Variants in DIPK1A observed in about 807,000 individuals in gnomAD.
DIPK1A encodes the protein divergent protein kinase domain 1A.
In DIPK1A, 27 loss-of-function variants were observed where a neutral mutation model predicts 40.8. The observed-to-expected ratio is 0.66, with a 90% CI of 0.49 to 0.91. The LOEUF is 0.91. Among genes scored for constraint, DIPK1A ranks in the 40% least tolerant of loss-of-function variants. DIPK1A has a pLI of 0.00. For missense variants in DIPK1A, 412 were observed against 505.7 expected, an observed-to-expected ratio of 0.81 and a Z score of 1.78; for synonymous variants, 166 against 171.3, an observed-to-expected ratio of 0.97 and a Z score of 0.24.
chr1:92,885,747 C>T (rs1036786006), intron 1 of DIPK1A, among the ~76,000 whole-genome samples: 1 of 152,110 alleles, frequency 6.6e-6, no homozygotes, highest in African/African-American at 2.4e-5. Flanking sequence ...ATGATAAATA[C>T]ATTAGAGCTA....
intron 1 of DIPK1A, among the ~76,000 whole-genome samples, chr1:92,924,280 T>C (rs1287647263): frequency 6.6e-6 from 1 of 152,100 alleles, no homozygotes; most frequent in African/African-American, 2.4e-5. Context: ...AATCTGAGAA[T>C]AGGGAGCTTT....
chr1:92,852,130 A>C (rs543372976), intron 2 of DIPK1A, among the ~76,000 whole-genome samples: 1 of 152,268 alleles, frequency 6.6e-6, no homozygotes, highest in East Asian at 1.9e-4. Flanking sequence ...ATCAAAACCA[A>C]ACAAGCAAAA....
Position 92,833,745 on chromosome 1 carries a change from AG to A in DIPK1A, c.475-712del. On this transcript the variant is annotated intron_variant, in intron 4 of 4. Transcript: ENST00000615519. ...CAAAGCACATGGTGTGTGTGTTAGAAGGGCTGTCTAGCACCTCCAAAAGCAT... is the reference window on the plus strand; with the variant it reads ...CAAAGCACATGGTGTGTGTGTTAGAAGGCTGTCTAGCACCTCCAAAAGCAT... 4 of 1,058,676 alleles carry A rather than the reference AG, an allele frequency of 3.8e-6. No homozygotes were observed. In the South Asian group the frequency reaches 5.1e-5, roughly 14 times the overall value. 65.6% of individuals were successfully genotyped at this position (1,058,676 alleles called of 1,614,324 possible).
intron 1 of DIPK1A, among the ~76,000 whole-genome samples, chr1:92,927,934 T>C (rs1233705233): frequency 6.6e-6 from 1 of 152,252 alleles, no homozygotes; most frequent in East Asian, 1.9e-4. Flanking sequence ...GTGTATGTTT[T>C]TCTGTGGATG....
At chr1:92,834,314 A>C (rs1687032661) in intron 4 of DIPK1A, among the ~76,000 whole-genome samples, 1 of 152,232 alleles carries the variant, frequency 6.6e-6, no homozygotes, top group Non-Finnish European at 1.5e-5. Flanking sequence ...TGGCTCCCGC[A>C]TGAAAGACCT....
chr1:92,852,913 A>C (rs1425596052), intron 2 of DIPK1A, among the ~76,000 whole-genome samples: 1 of 152,072 alleles, frequency 6.6e-6, no homozygotes, highest in Non-Finnish European at 1.5e-5. Context: ...TTGGGGGCAC[A>C]TATATGTAGT....
At chr1:92,848,329 G>GAACC (rs1687704762) in intron 3 of DIPK1A, among the ~76,000 whole-genome samples, 1 of 152,116 alleles carries the variant, frequency 6.6e-6, no homozygotes, top group Admixed American at 6.5e-5. Context: ...TCCATGACCG[G>GAACC]TTGGGCTCCA....
rs5776161 is a variant in DIPK1A, at chr1:92,867,215, C to CTT, written c.189+9079_189+9080dup. ...AACCTAAAGTTCTTTTACTCCAATT[C>CTT]TTTTTTTTTTTTTTTTTTTTAGTAG... is the stretch of plus-strand genomic sequence containing the variant. On this transcript the variant is annotated intron_variant, in intron 2 of 4. Coordinates refer to ENST00000370310, the MANE Select transcript of DIPK1A (RefSeq NM_001006605.5). Among the ~76,000 whole-genome samples the CTT allele has an allele frequency of 8.1e-4, 102 of 125,640 alleles. 2 individuals carry two copies. Among genetic ancestry groups the CTT allele is most frequent in the African/African-American group, 2.5e-3 (84 of 33,842 alleles). The allele number at this position is 125,640 out of a possible 152,430, so 82.4% of individuals were successfully genotyped here.
chr1:92,851,572 TTAAAA>T (rs1687828373), intron 2 of DIPK1A, among the ~76,000 whole-genome samples: 2 of 78,632 alleles, frequency 2.5e-5, no homozygotes, highest in South Asian at 7.2e-4. Context: ...ACTTCTGGTT[TTAAAA>T]TAAATAAAGT....
chr1:92,916,457 A>G (rs529567210), intron 1 of DIPK1A, among the ~76,000 whole-genome samples: 2 of 151,848 alleles, frequency 1.3e-5, no homozygotes, highest in Non-Finnish European at 2.9e-5. Flanking sequence ...GCCCGCCCCC[A>G]TGCCCAGCTA....
intron 1 of DIPK1A, among the ~76,000 whole-genome samples, chr1:92,958,371 T>C (rs1298213219): frequency 6.6e-6 from 1 of 152,220 alleles, no homozygotes; most frequent in Admixed American, 6.5e-5. Context: ...TCACAGCTCC[T>C]AAGGCCTGAA....
At chr1:92,881,996 CTG>C (rs1648399729) in intron 1 of DIPK1A, among the ~76,000 whole-genome samples, 1 of 152,108 alleles carries the variant, frequency 6.6e-6, no homozygotes, top group Non-Finnish European at 1.5e-5. Context: ...ATCTTTTTAA[CTG>C]TAAAATATTA....
At chr1:92,942,789 G>A (rs532513648) in intron 1 of DIPK1A, among the ~76,000 whole-genome samples, 21 of 152,142 alleles carry the variant, frequency 1.4e-4, no homozygotes, top group Non-Finnish European at 2.2e-4. Flanking sequence ...TCAGACTCCC[G>A]AGTAGCTGGG....
rs973534055 is a variant in DIPK1A at position 92,921,821 on chromosome 1, T to G, written c.54+39555A>C. 5.3e-5 allele frequency among the ~76,000 whole-genome samples: 8 copies of G among 152,196 alleles called. No homozygotes were observed. In the South Asian group the frequency reaches 6.2e-4, roughly 12 times the overall value. On this transcript the variant is annotated intron_variant, in intron 1 of 4. Transcript: ENST00000370310. ...GGACCAGGAGTTCTATCCTCAGCCC[T>G]TGGCTCTCCACCTAAAGAACAATTA...
chr1:92,832,907 AGTT>A (rs1480724299), exon 5 of DIPK1A: 3 of 673,978 alleles, frequency 4.5e-6, no homozygotes, highest in East Asian at 2.7e-5. Context: ...AGAGGTACGT[AGTT>A]GTTATTTGAG....
At chr1:92,886,361 T>G (rs1006812463) in intron 1 of DIPK1A, among the ~76,000 whole-genome samples, 2 of 152,032 alleles carry the variant, frequency 1.3e-5, no homozygotes, top group African/African-American at 2.4e-5. Flanking sequence ...AAAATTTTCT[T>G]TTTAAATAAA....
chr1:92,879,885 C>T (rs1648292813), intron 1 of DIPK1A, among the ~76,000 whole-genome samples: 1 of 152,198 alleles, frequency 6.6e-6, no homozygotes, highest in Non-Finnish European at 1.5e-5. Flanking sequence ...ACAATGACTG[C>T]CCAGCAGTTT....
chr1:92,914,344 T>C (rs1649956965), intron 1 of DIPK1A, among the ~76,000 whole-genome samples: 1 of 152,088 alleles, frequency 6.6e-6, no homozygotes, highest in South Asian at 2.1e-4. Flanking sequence ...TAATTATTAA[T>C]CACATGTGAA....
intron 1 of DIPK1A, among the ~76,000 whole-genome samples, chr1:92,908,949 G>C (rs1285831122): frequency 1.3e-5 from 2 of 152,146 alleles, no homozygotes; most frequent in African/African-American, 4.8e-5. Flanking sequence ...AGAATTAAGA[G>C]AGAGAAACTT....
Sources: allele counts gnomAD v4.1 joint callset (sites outside exome capture counted in the v4.1 genomes callset), GRCh38; gene constraint gnomAD v4.1.1; transcripts MANE v1.5; gene names NCBI Gene and HGNC (gene_info 2026-07-23, HGNC 2026-07-21).